Variants in ZNF131 observed in about 807,000 individuals in gnomAD.
ZNF131 encodes zinc finger protein 131.
In ZNF131, 7 loss-of-function variants were observed where a neutral mutation model predicts 60.0. The observed-to-expected ratio is 0.12, with a 90% CI of 0.07 to 0.22. ZNF131 has a LOEUF of 0.22. Ranked by LOEUF, ZNF131 falls within the 10% of genes least tolerant of loss-of-function variation. ZNF131 has a pLI of 1.00. For missense variants in ZNF131, 493 were observed against 740.9 expected, an observed-to-expected ratio of 0.67 and a Z score of 3.88; for synonymous variants, 257 against 253.2, an observed-to-expected ratio of 1.01 and a Z score of -0.14.
chr5:43,167,837 AAG>A, intron 5 of ZNF131: 1 of 318,242 alleles, frequency 3.1e-6, no homozygotes, highest in South Asian at 2.6e-5. Context: ...TTTGTGATGG[AAG>A]AGACAAAGGT....
intron 3 of ZNF131, chr5:43,124,000 TGTA>T (rs1744194591): frequency 6.6e-6 from 1 of 152,346 alleles, no homozygotes; most frequent in Non-Finnish European, 1.5e-5. Context: ...GGCTTGTGCT[TGTA>T]GTCCCAGCTA....
intron 3 of ZNF131, among the ~76,000 whole-genome samples, chr5:43,128,817 C>T (rs1226573947): frequency 1.3e-5 from 2 of 152,030 alleles, no homozygotes; most frequent in Non-Finnish European, 2.9e-5. Flanking sequence ...AGTGTACCAT[C>T]ATGGCTCATT....
chr5:43,160,035 T>G lies in ZNF131; in HGVS notation c.372-1214T>G, dbSNP rs12655893. 3.0e-4 allele frequency among the ~76,000 whole-genome samples: 45 copies of G among 149,578 alleles called. No individual in the cohort carries two copies. The East Asian group carries it at 8.2e-3, about 27-fold the overall frequency. On this transcript the variant is annotated intron_variant, in intron 4 of 6. Transcript: ENST00000682664. Reference sequence around the variant, plus strand: ...ACTAAAAATACAAAATATTAGCTGGTCGTGGTGGCGGGCGCCTGTAGTCCC... The same window carrying G: ...ACTAAAAATACAAAATATTAGCTGGGCGTGGTGGCGGGCGCCTGTAGTCCC...
chr5:43,147,252 TTAAAA>T (rs1442253947), intron 4 of ZNF131, among the ~76,000 whole-genome samples: 1 of 152,122 alleles, frequency 6.6e-6, no homozygotes, highest in African/African-American at 2.4e-5. Context: ...ATTTTATCTA[TTAAAA>T]TAATGCTACT....
At chr5:43,125,439 G>T (rs926667955) in intron 3 of ZNF131, among the ~76,000 whole-genome samples, 2 of 151,556 alleles carry the variant, frequency 1.3e-5, no homozygotes, top group Non-Finnish European at 2.9e-5. Flanking sequence ...GATTACAGGC[G>T]TGAGACCACG....
Position 43,174,527 on chromosome 5 carries a change from T to C in ZNF131, c.1266T>C (p.Cys422=). The change falls in exon 7 of 7, where the codon TGT becomes TGC. Residue 422 remains cysteine, a synonymous_variant. Transcript: ENST00000682664. ...ACACTGGAGATAAACCCAACCATTG[T>C]ACTTTATGTGATTTGTGGTTTATGC... is the stretch of plus-strand genomic sequence containing the variant. ...VIHTGDKPNH[C]TLCDLWFMQG... is the part of the protein sequence containing the mutation. 6.3e-7 allele frequency: 1 copy of C among 1,589,342 alleles called. No homozygotes were observed. Among genetic ancestry groups the C allele is most frequent in the South Asian group, 1.2e-5 (1 of 85,242 alleles).
At chr5:43,130,756 G>A (rs1382488127) in intron 3 of ZNF131, among the ~76,000 whole-genome samples, 1 of 151,788 alleles carries the variant, frequency 6.6e-6, no homozygotes, top group Non-Finnish European at 1.5e-5. Context: ...AGTAGAGATG[G>A]GGTTTCTCCA....
At chr5:43,145,931 T>C (rs912644634) in intron 4 of ZNF131, among the ~76,000 whole-genome samples, 1 of 152,206 alleles carries the variant, frequency 6.6e-6, no homozygotes, top group Non-Finnish European at 1.5e-5. Flanking sequence ...GAGTTGATCC[T>C]TAAGCGGAAA....
rs1418712747 is a variant in ZNF131 at position 43,123,291 on chromosome 5, A to G, written c.207A>G (p.Glu69=). 6.2e-7 allele frequency: 1 copy of G among 1,609,904 alleles called. No homozygotes were observed. Among genetic ancestry groups the G allele is most frequent in the South Asian group, 1.1e-5 (1 of 89,668 alleles). The change falls in exon 3 of 7, where the codon GAA becomes GAG. Residue 69 remains glutamate (E), a synonymous_variant. Transcript: ENST00000682664. ...FYKFFQEFTQ[E]PLVEIEGVSK... ...AATTCTTTCAGGAGTTTACCCAAGA[A>G]CCATTGGTGGAGATAGAAGGTAAAT...
At chr5:43,147,402 T>TA (rs1747739248) in intron 4 of ZNF131, among the ~76,000 whole-genome samples, 1 of 150,636 alleles carries the variant, frequency 6.6e-6, no homozygotes, top group African/African-American at 2.5e-5. Flanking sequence ...ATCTTTTTTT[T>TA]ATTTTATTTT....
chr5:43,127,651 ATGTTTTC>A (rs1474185524), intron 3 of ZNF131, among the ~76,000 whole-genome samples: 2 of 151,466 alleles, frequency 1.3e-5, no homozygotes, highest in Non-Finnish European at 3.0e-5. Context: ...CTCACCCTCC[ATGTTTTC>A]TGTGTTCCTG....
At chr5:43,154,255 T>C (rs1054105976) in intron 4 of ZNF131, among the ~76,000 whole-genome samples, 2 of 151,994 alleles carry the variant, frequency 1.3e-5, no homozygotes, top group Admixed American at 6.6e-5. Flanking sequence ...CTACTAAAAA[T>C]ACAAAAACGT....
At position 43,161,429 on chromosome 5, in the gene ZNF131, C is replaced by T. The variant is rs542955145; in HGVS notation, c.552C>T (p.Ile184=). 223 of 1,614,202 alleles carry T rather than the reference C, an allele frequency of 1.4e-4. 1 individual carries two copies. The South Asian group carries it at 2.1e-3, about 15-fold the overall frequency. Residue 184 remains isoleucine, a synonymous_variant, in exon 5 of 7, where the codon ATC becomes ATT. Coordinates refer to ENST00000682664, the MANE Select transcript of ZNF131 (RefSeq NM_001330707.2). ...EGTIEVEDEG[I]ETLEEVASAK... ...CCATTGAAGTGGAAGATGAAGGCAT[C>T]GAAACATTAGAGGAAGTGGCTTCTG...
At chr5:43,137,537 A>G (rs923681569) in intron 3 of ZNF131, among the ~76,000 whole-genome samples, 21 of 152,076 alleles carry the variant, frequency 1.4e-4, no homozygotes, top group Admixed American at 7.2e-4. Flanking sequence ...CAAAACCACT[A>G]TGAGGTATCA....
intron 1 of ZNF131, 84 bp downstream of exon 1, chr5:43,121,207 G>T: frequency 6.5e-6 from 1 of 153,346 alleles, no homozygotes; most frequent in Non-Finnish European, 1.5e-5. Flanking sequence ...TGGGCTGTGA[G>T]GACGGTTGGC....
chr5:43,135,677 C>T (rs1473281430), intron 3 of ZNF131, among the ~76,000 whole-genome samples: 1 of 152,088 alleles, frequency 6.6e-6, no homozygotes, highest in Non-Finnish European at 1.5e-5. Context: ...GCATGGATTG[C>T]ACCACTGCAC....
chr5:43,158,012 AG>A (rs1467129512), intron 4 of ZNF131, among the ~76,000 whole-genome samples: 1 of 152,268 alleles, frequency 6.6e-6, no homozygotes, highest in Admixed American at 6.5e-5. Context: ...CTTATTGCCC[AG>A]GCTGGAGTGC....
intron 2 of ZNF131, among the ~76,000 whole-genome samples, chr5:43,122,672 A>G (rs925927475): frequency 1.3e-5 from 2 of 152,212 alleles, no homozygotes; most frequent in African/African-American, 4.8e-5. Context: ...TTGCCTCTAT[A>G]ATGGAAGGAA....
At chr5:43,125,299 T>C (rs1744383521) in intron 3 of ZNF131, among the ~76,000 whole-genome samples, 1 of 149,780 alleles carries the variant, frequency 6.7e-6, no homozygotes, top group South Asian at 2.1e-4. Context: ...TGAGCAGAAT[T>C]TTTTTTTTCT....
Sources: gnomAD v4.1 joint callset for allele counts (sites outside exome capture counted in the v4.1 genomes callset) on GRCh38, gnomAD v4.1.1 for gene constraint, MANE v1.5 for transcripts, NCBI Gene and HGNC (gene_info 2026-07-23, HGNC 2026-07-21) for gene names.